GPD2: variants seen among roughly 807,000 people sequenced by gnomAD.
The protein encoded by GPD2 is glycerol-3-phosphate dehydrogenase, mitochondrial.
Under a neutral mutation model 82.4 loss-of-function variants are expected in GPD2, and 54 were observed. The observed-to-expected ratio is 0.66, with a 90% CI of 0.53 to 0.82. The LOEUF is 0.82. GPD2 is among the 40% of genes least tolerant of loss of function. The pLI, the probability that GPD2 is intolerant of heterozygous loss-of-function variation, is 0.00. For missense variants in GPD2, 748 were observed against 896.2 expected (o/e 0.83, Z 2.11); for synonymous variants, 288 against 306.1 (o/e 0.94, Z 0.62).
chr2:156,502,029 C>T (rs1684601517), intron 3 of GPD2: 1 of 152,994 alleles, frequency 6.5e-6, no homozygotes, highest in Admixed American at 6.6e-5. Flanking sequence ...GTAAAGGCAG[C>T]ATTTCAAAAC....
intron 9 of GPD2, among the ~76,000 whole-genome samples, chr2:156,563,819 G>A (rs1687262241): frequency 6.6e-6 from 1 of 152,088 alleles, no homozygotes; most frequent in Admixed American, 6.6e-5. Flanking sequence ...CTGTAGAGCT[G>A]CTCTGTGCTA....
intron 1 of GPD2, among the ~76,000 whole-genome samples, chr2:156,467,526 A>C (rs1683190858): frequency 6.6e-6 from 1 of 152,304 alleles, no homozygotes; most frequent in Middle Eastern, 3.4e-3. Context: ...CTTTACAACT[A>C]TAGGTTGTTA....
chr2:156,503,184 C>G (rs1684655801), intron 3 of GPD2, among the ~76,000 whole-genome samples: 1 of 152,136 alleles, frequency 6.6e-6, no homozygotes, highest in African/African-American at 2.4e-5. Context: ...TGTCAACCTC[C>G]TTGCACAAGA....
At chr2:156,577,870 C>G (rs2105376133) in intron 13 of GPD2, among the ~76,000 whole-genome samples, 1 of 152,222 alleles carries the variant, frequency 6.6e-6, no homozygotes, top group Non-Finnish European at 1.5e-5. Context: ...TCTTATGGCA[C>G]AGGAGTAAGA....
the GPD2 span, among the ~76,000 whole-genome samples, chr2:156,415,973 A>G: frequency 1.0e-5 from 1 of 100,022 alleles, no homozygotes; most frequent in Admixed American, 9.9e-5. Context: ...GTGAGCCGAG[A>G]TCCCGCCACT....
At chr2:156,558,871 C>T (rs4664825) in intron 9 of GPD2, among the ~76,000 whole-genome samples, 104,296 of 149,132 alleles carry the variant, frequency 0.7, 36,614 homozygotes, top group Middle Eastern at 0.82. Flanking sequence ...CGGCCTCGGC[C>T]TCCCAAAGTG....
chr2:156,450,341 A>G (rs1006799606), intron 1 of GPD2, among the ~76,000 whole-genome samples: 1 of 152,188 alleles, frequency 6.6e-6, no homozygotes, highest in Non-Finnish European at 1.5e-5. Flanking sequence ...AATTATTTGC[A>G]TATAGGTTAT....
intron 1 of GPD2, among the ~76,000 whole-genome samples, chr2:156,452,986 T>G (rs1490633612): frequency 1.3e-5 from 2 of 152,142 alleles, no homozygotes; most frequent in Admixed American, 1.3e-4. Context: ...TATTGGGGTG[T>G]GGAGGGGTGA....
At chr2:156,580,683 TAAAC>T (rs1176339321) in intron 16 of GPD2, among the ~76,000 whole-genome samples, 3 of 152,174 alleles carry the variant, frequency 2.0e-5, no homozygotes, top group Non-Finnish European at 4.4e-5. Context: ...TGTGTCAAGT[TAAAC>T]AAACAAGATC....
the GPD2 span, among the ~76,000 whole-genome samples, chr2:156,405,990 A>G: frequency 6.6e-6 from 1 of 152,176 alleles, no homozygotes; most frequent in Non-Finnish European, 1.5e-5. Context: ...TGAAGAAAGT[A>G]AACAGTTCAG....
chr2:156,539,610 A>G (rs1229279000), intron 6 of GPD2, among the ~76,000 whole-genome samples: 1 of 152,200 alleles, frequency 6.6e-6, no homozygotes, highest in Non-Finnish European at 1.5e-5. Context: ...TCCAGTTAGA[A>G]TTCCCCAGCT....
chr2:156,563,093 A>T (rs1034558326), intron 9 of GPD2, among the ~76,000 whole-genome samples: 1 of 152,300 alleles, frequency 6.6e-6, no homozygotes, highest in Non-Finnish European at 1.5e-5. Flanking sequence ...TGTTCAATAT[A>T]TAGTCACTAG....
At chr2:156,459,438 G>T (rs1379936715) in intron 1 of GPD2, among the ~76,000 whole-genome samples, 3 of 152,004 alleles carry the variant, frequency 2.0e-5, no homozygotes, top group African/African-American at 7.2e-5. Flanking sequence ...TGTAATCCCA[G>T]CACTTTGGGA....
chr2:156,450,075 G>T (rs528629343), intron 1 of GPD2, among the ~76,000 whole-genome samples: 1 of 152,232 alleles, frequency 6.6e-6, no homozygotes, highest in Admixed American at 6.5e-5. Context: ...AGAATTAGTT[G>T]GGTGAACTTG....
In GPD2 at chr2:156,499,761, T is replaced by C. The variant is rs1677331239; in HGVS notation, c.274+3546T>C. ...TCATTTAATAACTTTATGGAAAAACTCATTGCAATGATGTTCTTATTAATT... is the reference window on the plus strand; with the variant it reads ...TCATTTAATAACTTTATGGAAAAACCCATTGCAATGATGTTCTTATTAATT... On this transcript the variant is annotated intron_variant, in intron 3 of 16. Transcript: ENST00000438166. Among the ~76,000 whole-genome samples, 13 of 151,838 alleles carry C rather than the reference T, an allele frequency of 8.6e-5. 1 individual carries two copies. The South Asian group carries it at 2.7e-3, about 31-fold the overall frequency.
chr2:156,533,104 CTGAG>C (rs1161828767), intron 6 of GPD2, among the ~76,000 whole-genome samples: 2 of 152,204 alleles, frequency 1.3e-5, no homozygotes, highest in African/African-American at 4.8e-5. Context: ...GCAGCAGTCA[CTGAG>C]TGCAGAATGT....
the GPD2 span, among the ~76,000 whole-genome samples, chr2:156,422,328 CAA>C: frequency 2.0e-5 from 3 of 152,080 alleles, no homozygotes; most frequent in Non-Finnish European, 4.4e-5. Context: ...GACAAGGAAA[CAA>C]AGATATTCAA....
At chr2:156,485,432 T>G (rs539513978) in intron 2 of GPD2, among the ~76,000 whole-genome samples, 28 of 152,248 alleles carry the variant, frequency 1.8e-4, no homozygotes, top group Non-Finnish European at 3.7e-4. Flanking sequence ...CTGTATGGAT[T>G]TATTTCCTAA....
intron 1 of GPD2, among the ~76,000 whole-genome samples, chr2:156,444,422 TA>T (rs1421468312): frequency 6.6e-6 from 1 of 152,096 alleles, no homozygotes; most frequent in African/African-American, 2.4e-5. Context: ...ATCTAAAAAA[TA>T]TAGATTCCGC....
Sources: gnomAD v4.1 joint callset for allele counts (sites outside exome capture counted in the v4.1 genomes callset) on GRCh38, gnomAD v4.1.1 for gene constraint, MANE v1.5 for transcripts, NCBI Gene and HGNC (gene_info 2026-07-23, HGNC 2026-07-21) for gene names.